SYDE2: variants seen among roughly 807,000 people sequenced by gnomAD.
SYDE2 encodes rho GTPase-activating protein SYDE2.
SYDE2 carries 76 observed loss-of-function variants against 91.5 expected under a neutral mutation model. The observed-to-expected ratio is 0.83, with a 90% confidence interval of 0.69 to 1.01. SYDE2 has a LOEUF of 1.01. Ranked by LOEUF, SYDE2 falls within the 50% of genes least tolerant of loss-of-function variation. The pLI is 0.00. For missense variants in SYDE2, 1,364 were observed against 1,367.7 expected (o/e 1.00, Z 0.04); for synonymous variants, 513 against 506.4 (o/e 1.01, Z -0.18).
At chr1:85,196,666 A>C (rs1050998745) in intron 1 of SYDE2, among the ~76,000 whole-genome samples, 5 of 152,222 alleles carry the variant, frequency 3.3e-5, no homozygotes, top group Admixed American at 2.6e-4. Flanking sequence ...ATCTCTCAGG[A>C]AGAGATTTAA....
rs777438589 is a variant in SYDE2, at chr1:85,164,695, C to T, written c.2916G>A (p.Lys972=). Residue 972 remains lysine (K), a synonymous_variant, in exon 6 of 7, where the codon AAG becomes AAA. Transcript: ENST00000341460. ...KLVASYHEVN[K]MTCQNLAVCF... Reference sequence around the variant, plus strand: ...ACACAGCCAAATTCTGGCACGTCATCTTATTCACTTCATGATAGGAAGCCA... The same window carrying T: ...ACACAGCCAAATTCTGGCACGTCATTTTATTCACTTCATGATAGGAAGCCA... 1.8e-5 allele frequency: 27 copies of T among 1,523,460 alleles called. No homozygotes were observed. Among genetic ancestry groups the T allele is most frequent in the Middle Eastern group, 1.7e-4 (1 of 5,894 alleles). The allele number at this position is 1,523,460 out of a possible 1,614,324, so 94.4% of individuals were successfully genotyped here. A position where few individuals can be genotyped will look rare whatever the true frequency, so the allele number is the denominator to read the frequency against.
intron 6 of SYDE2, among the ~76,000 whole-genome samples, chr1:85,164,198 A>G (rs1324024108): frequency 6.6e-6 from 1 of 152,248 alleles, no homozygotes; most frequent in Non-Finnish European, 1.5e-5. Context: ...ACATATTATT[A>G]AATCCATATG....
At chr1:85,189,168 G>A (rs12141372) in intron 2 of SYDE2, among the ~76,000 whole-genome samples, 1 of 151,888 alleles carries the variant, frequency 6.6e-6, no homozygotes, top group Admixed American at 6.6e-5. Context: ...TTCATTTTTA[G>A]GTTCCATAAC....
chr1:85,200,547 G>A lies in SYDE2; in HGVS notation c.450C>T (p.His150=). Residue 150 remains histidine (H), a synonymous_variant, in exon 1 of 7, where the codon CAC becomes CAT. Transcript: ENST00000341460. ...TGAAAGGGCTTCCCGAGGAGCAGCC[G>A]TGGTCCTTGCAGCCTGGAGGCTGGA... ...TGLQPPGCKD[H]GCSSGSPFRD... 6.2e-7 allele frequency: 1 copy of A among 1,610,492 alleles called. No individual in the cohort carries two copies. Among genetic ancestry groups the A allele is most frequent in the Non-Finnish European group, 8.5e-7 (1 of 1,179,240 alleles).
intron 1 of SYDE2, among the ~76,000 whole-genome samples, chr1:85,196,188 T>C (rs929537068): frequency 3.9e-5 from 6 of 152,150 alleles, no homozygotes; most frequent in Admixed American, 1.3e-4. Flanking sequence ...TTTGCTCTAA[T>C]AGGGGTAGTT....
At chr1:85,165,845 G>T (rs1259302962) in intron 5 of SYDE2, among the ~76,000 whole-genome samples, 2 of 146,220 alleles carry the variant, frequency 1.4e-5, no homozygotes, top group East Asian at 4.0e-4. Context: ...TGAAGACATT[G>T]ATGCCAATTA....
In SYDE2 at chr1:85,158,034, C is replaced by T. The variant is rs936973996; in HGVS notation, c.*716G>A. The T allele has an allele frequency of 2.0e-5, 3 of 152,226 alleles. No individual in the cohort carries two copies. The highest frequency in any genetic ancestry group is 6.8e-3 in the Middle Eastern group (2 of 294). 9.4% of individuals were successfully genotyped at this position (152,226 alleles called of 1,614,324 possible). ...TTTGACCAAAGGATGTTGCAGTGTA[C>T]CAGGACCAGTACTGCAAATCAGACT... On this transcript the variant is annotated 3_prime_UTR_variant, in exon 7 of 7. Transcript: ENST00000341460.
rs186061609 is a variant in SYDE2, at chr1:85,166,947, A to T, written c.2853+2097T>A. Among the ~76,000 whole-genome samples, 452 of 152,306 alleles carry T rather than the reference A, an allele frequency of 3.0e-3. 6 individuals are homozygous for T. The highest frequency in any genetic ancestry group is 3.5e-3 in the Non-Finnish European group (240 of 68,028). On this transcript the variant is annotated intron_variant, in intron 5 of 6. Coordinates refer to ENST00000341460, the MANE Select transcript of SYDE2 (RefSeq NM_032184.2). Reference sequence around the variant, plus strand: ...TTAGTCTGGCTGGGCGTGGTGGTTCATGCCTATAATCCCAGCACTTTGGGA... The same window carrying T: ...TTAGTCTGGCTGGGCGTGGTGGTTCTTGCCTATAATCCCAGCACTTTGGGA...
intron 3 of SYDE2, among the ~76,000 whole-genome samples, chr1:85,180,513 A>C (rs1469010073): frequency 6.6e-6 from 1 of 152,074 alleles, no homozygotes; most frequent in Admixed American, 6.5e-5. Context: ...AACATGGTGA[A>C]ACCCTGTCTC....
chr1:85,200,716 G>A lies in SYDE2; in HGVS notation c.281C>T (p.Ala94Val). 1 of 1,535,852 alleles carries A rather than the reference G, an allele frequency of 6.5e-7. No homozygotes were observed. The highest frequency in any genetic ancestry group is 8.7e-7 in the Non-Finnish European group (1 of 1,146,510). ...CCACCGCTGGAAGGGAGGCGGCTTGGCACCCACCCGGAGGCTCTCGAGGCT... is the reference window on the plus strand; with the variant it reads ...CCACCGCTGGAAGGGAGGCGGCTTGACACCCACCCGGAGGCTCTCGAGGCT... Reference protein sequence around the residue: ...SRSLESLRVGAKPPPFQRWPS... With the variant: ...SRSLESLRVGVKPPPFQRWPS... The change falls in exon 1 of 7, where the codon GCC (alanine) becomes GTC (valine). Residue 94 changes from alanine to valine, a missense_variant. Physicochemically the swap from Ala to Val is moderately conservative, Grantham distance 64 (BLOSUM62 0). Transcript: ENST00000341460.
intron 5 of SYDE2, among the ~76,000 whole-genome samples, chr1:85,165,655 G>T (rs1657240413): frequency 6.6e-6 from 1 of 150,970 alleles, no homozygotes; most frequent in South Asian, 2.1e-4. Flanking sequence ...AGAAATGAAA[G>T]AAAAAAATTA....
chr1:85,162,224 A>G (rs1331506079), intron 6 of SYDE2, among the ~76,000 whole-genome samples: 3 of 152,234 alleles, frequency 2.0e-5, no homozygotes, highest in Admixed American at 1.3e-4. Flanking sequence ...GACTCTTTTT[A>G]ACTCTGGAGT....
chr1:85,158,828 A>C lies in SYDE2; in HGVS notation c.3507T>G (p.Asp1169Glu). 1.3e-6 allele frequency: 1 copy of C among 775,018 alleles called. No individual in the cohort carries two copies. The highest frequency in any genetic ancestry group is 1.4e-5 in the South Asian group (1 of 72,614). The allele number at this position is 775,018 out of a possible 1,614,324, so 48.0% of individuals were successfully genotyped here. A position where few individuals can be genotyped will look rare whatever the true frequency, so the allele number is the denominator to read the frequency against. Residue 1169 changes from aspartate to glutamate, a missense_variant, in exon 7 of 7, where the codon GAT (aspartate) becomes GAG (glutamate). Coordinates refer to ENST00000341460, the MANE Select transcript of SYDE2 (RefSeq NM_032184.2). Reference protein sequence around the residue: ...STVDRKNNLKDLQESIDTLIG... With the variant: ...STVDRKNNLKELQESIDTLIG... The stretch of plus-strand genomic sequence containing the variant: ...TCAAAGTATCAATACTTTCTTGTAG[A>C]TCTTTGAGATTGTTTTTTCGATCCA...
At chr1:85,155,152 A>G (rs1184806268), downstream of SYDE2, among the ~76,000 whole-genome samples, 3 of 152,188 alleles carry the variant, frequency 2.0e-5, no homozygotes, top group Non-Finnish European at 2.9e-5. Context: ...ATTAAGAAGC[A>G]TAAAATGATC....
At chr1:85,187,480 T>C (rs1271227327) in intron 2 of SYDE2, among the ~76,000 whole-genome samples, 4 of 151,450 alleles carry the variant, frequency 2.6e-5, no homozygotes, top group African/African-American at 9.7e-5. Context: ...GATCTAGAAC[T>C]AGAAATACCA....
Position 85,190,083 on chromosome 1 carries a change from C to CT in SYDE2, c.1414dup (p.Ser472LysfsTer19). The CT allele has an allele frequency of 6.2e-7, 1 of 1,611,146 alleles. No individual in the cohort carries two copies. On this transcript the variant is annotated frameshift_variant, in exon 2 of 7. Coordinates refer to ENST00000341460, the MANE Select transcript of SYDE2 (RefSeq NM_032184.2). LOFTEE classifies it high-confidence loss of function. ...TGCAAAAGGAGATTTCAACATGGGA[C>CT]TGTCCTCCACCATTATACCTTCTTG...
At chr1:85,159,781 C>T (rs1656991676) in intron 6 of SYDE2, 1 of 891,622 alleles carries the variant, frequency 1.1e-6, no homozygotes, top group African/African-American at 1.8e-5. Context: ...TCAAATTTCA[C>T]TTTGATAAAA....
intron 1 of SYDE2, among the ~76,000 whole-genome samples, chr1:85,192,548 T>C (rs1658411285): frequency 6.6e-6 from 1 of 152,080 alleles, no homozygotes; most frequent in South Asian, 2.1e-4. Context: ...ATGCAGGAAT[T>C]AGACTAGAAA....
At chr1:85,166,856 G>C (rs1006423261) in intron 5 of SYDE2, among the ~76,000 whole-genome samples, 7 of 152,150 alleles carry the variant, frequency 4.6e-5, no homozygotes, top group African/African-American at 1.4e-4. Context: ...GCAAAGGAAT[G>C]CAAATTTTTT....
Sources: allele counts gnomAD v4.1 joint callset (sites outside exome capture counted in the v4.1 genomes callset), GRCh38; gene constraint gnomAD v4.1.1; transcripts MANE v1.5; gene names NCBI Gene and HGNC (gene_info 2026-07-23, HGNC 2026-07-21).